The following FYCO1 variants were observed in gnomAD, a reference collection of about 807,000 sequenced individuals.
FYCO1 encodes FYVE and coiled-coil domain autophagy adaptor 1, also known as FYVE and coiled-coil domain-containing protein 1.
A neutral mutation model predicts 165.1 loss-of-function variants in FYCO1; 122 were observed. The ratio of observed to expected loss-of-function variants is 0.74; its 90% confidence interval spans 0.64 to 0.86. FYCO1 has a LOEUF of 0.86. Ranked by LOEUF, FYCO1 falls within the 40% of genes least tolerant of loss-of-function variation. The pLI is 0.00. For missense variants in FYCO1, 1,702 were observed against 1,810.3 expected (o/e 0.94, Z 1.09); for synonymous variants, 648 against 742.5 (o/e 0.87, Z 2.07).
chr3:45,966,467 T>C lies in FYCO1; in HGVS notation c.2867A>G (p.Gln956Arg). 6.2e-7 allele frequency: 1 copy of C among 1,610,700 alleles called. No homozygotes were observed. The highest frequency in any genetic ancestry group is 8.5e-7 in the Non-Finnish European group (1 of 1,177,234). Residue 956 changes from glutamine (Q) to arginine (R), a missense_variant, in exon 8 of 18, where the codon CAA (glutamine) becomes CGA (arginine). Gln to Arg is a conservative substitution (Grantham distance 43). Transcript: ENST00000296137. ...GLERQVAGLQ[Q>R]EKESLQEKLK... is the part of the protein sequence containing the mutation. ...CTTCTCCTGCAAGCTCTCCTTCTCTTGCTGCAGCCCAGCTACTTGGCGCTC... is the reference window on the plus strand; with the variant it reads ...CTTCTCCTGCAAGCTCTCCTTCTCTCGCTGCAGCCCAGCTACTTGGCGCTC...
chr3:45,975,365 T>G lies in FYCO1; in HGVS notation c.289-20A>C. 6.3e-7 allele frequency: 1 copy of G among 1,578,918 alleles called. No homozygotes were observed. The highest frequency in any genetic ancestry group is 8.7e-7 in the Non-Finnish European group (1 of 1,148,032). ...TCGGAGCTGGAAAAAGCAGATTACA[T>G]AGAGCCAAAGAGCTGTCAGCCTAAC... On this transcript the variant is annotated intron_variant, in intron 4 of 17. Transcript: ENST00000296137.
At chr3:45,988,779 G>A (rs1707433050) in intron 1 of FYCO1, among the ~76,000 whole-genome samples, 1 of 152,184 alleles carries the variant, frequency 6.6e-6, no homozygotes, top group Non-Finnish European at 1.5e-5. Context: ...GGGACTCAAT[G>A]CATTTTTTAA....
At chr3:45,994,721 T>C (rs1707714977) in intron 1 of FYCO1, among the ~76,000 whole-genome samples, 1 of 146,428 alleles carries the variant, frequency 6.8e-6, no homozygotes, top group African/African-American at 2.5e-5. Flanking sequence ...GCTTGCAGCC[T>C]GAGACCACAA....
chr3:45,979,604 C>G, intron 4 of FYCO1, 101 bp downstream of exon 4: 1 of 1,435,252 alleles, frequency 7.0e-7, no homozygotes, highest in Non-Finnish European at 9.8e-7. Context: ...CCCATAAACT[C>G]CCACTTCCTT....
At chr3:45,984,420 C>A (rs1707216265) in intron 2 of FYCO1, among the ~76,000 whole-genome samples, 1 of 152,186 alleles carries the variant, frequency 6.6e-6, no homozygotes, top group South Asian at 2.1e-4. Context: ...CATCCGCCAG[C>A]CAGGACCCAG....
At chr3:45,933,583 T>C (rs1703738796) in intron 15 of FYCO1, among the ~76,000 whole-genome samples, 1 of 152,132 alleles carries the variant, frequency 6.6e-6, no homozygotes, top group South Asian at 2.1e-4. Flanking sequence ...TTCTTTCCCA[T>C]TAAATGCCAC....
chr3:45,973,202 A>G lies in FYCO1; in HGVS notation c.425T>C (p.Leu142Pro), dbSNP rs763972976. 4 of 1,614,228 alleles carry G rather than the reference A, an allele frequency of 2.5e-6. No individual in the cohort carries two copies. In the Admixed American group the frequency reaches 6.7e-5, roughly 27 times the overall value. ...AATGTCCGAGCTCAGCTTTGGCTGCAGAAAGGGGCTTCTTGCATAGTACCA... is the reference window on the plus strand; with the variant it reads ...AATGTCCGAGCTCAGCTTTGGCTGCGGAAAGGGGCTTCTTGCATAGTACCA... The part of the protein sequence containing the change: ...SDWYYARSPF[L>P]QPKLSSDIVG... The change falls in exon 6 of 18, where the codon CTG (leucine) becomes CCG (proline). Residue 142 changes from leucine to proline, a missense_variant. Coordinates refer to ENST00000296137, the MANE Select transcript of FYCO1 (RefSeq NM_024513.4).
In FYCO1 at chr3:45,962,364, T is replaced by C. The variant is rs145889343; in HGVS notation, c.3298A>G (p.Thr1100Ala). ...TTGTTGTAATACTCTTGGATTTTTG[T>C]TGTGGCTTTTTCGAGTTCCTTCTGG... ...RTQKELEKAT[T>A]KIQEYYNKLC... Residue 1100 changes from threonine (T) to alanine (A), a missense_variant, in exon 11 of 18, where the codon ACA becomes GCA. By Grantham distance (58) the Thr-to-Ala change is moderately conservative. Coordinates refer to ENST00000296137, the MANE Select transcript of FYCO1 (RefSeq NM_024513.4). The surrounding 1 kb of genome is among the most constrained non-coding windows in gnomAD (Gnocchi z 4.4). The C allele has an allele frequency of 3.7e-6, 6 of 1,614,086 alleles. No individual in the cohort carries two copies. Among genetic ancestry groups the C allele is most frequent in the Non-Finnish European group, 5.1e-6 (6 of 1,180,036 alleles).
intron 12 of FYCO1, 177 bp from the exon 13 acceptor site, chr3:45,958,796 G>T: frequency 1.4e-6 from 1 of 703,802 alleles, no homozygotes. Flanking sequence ...CTTCTTGTCA[G>T]CTTGGTGAAA....
chr3:45,939,030 T>C (rs1704055181), intron 14 of FYCO1, among the ~76,000 whole-genome samples: 1 of 152,206 alleles, frequency 6.6e-6, no homozygotes, highest in African/African-American at 2.4e-5. Flanking sequence ...TACCAGATAC[T>C]CACTGCCCAC....
chr3:45,928,327 C>A (rs1270845853), intron 16 of FYCO1, among the ~76,000 whole-genome samples: 2 of 152,214 alleles, frequency 1.3e-5, no homozygotes, highest in Non-Finnish European at 2.9e-5. Flanking sequence ...CCCCAACAGG[C>A]CATCGACCTC....
Position 45,959,505 on chromosome 3 carries a change from C to T in FYCO1, c.3475G>A (p.Glu1159Lys). Residue 1159 changes from glutamate to lysine, a missense_variant, in exon 12 of 18, where the codon GAA (glutamate) becomes AAA (lysine). By Grantham distance (56) the Glu-to-Lys change is moderately conservative. Transcript: ENST00000296137. ...DALWQKSDAL[E>K]FQQKLSAEER... Reference sequence around the variant, plus strand: ...TCAGCACTGAGCTTCTGCTGGAATTCCAGGGCATCTGACTTCTGCCAGAGA... The same window carrying T: ...TCAGCACTGAGCTTCTGCTGGAATTTCAGGGCATCTGACTTCTGCCAGAGA... 4 of 1,614,154 alleles carry T rather than the reference C, an allele frequency of 2.5e-6. No individual in the cohort carries two copies. The East Asian group carries it at 6.7e-5, about 27-fold the overall frequency.
chr3:45,968,469 C>T lies in FYCO1; in HGVS notation c.865G>A (p.Val289Ile), dbSNP rs765346580. 4.1e-5 allele frequency: 66 copies of T among 1,613,936 alleles called. No homozygotes were observed. In the East Asian group the frequency reaches 5.6e-4, roughly 14 times the overall value. ...ERGRTAAEDN[V>I]RLTCLVAELQ... ...TCAGCTACCAAGCAAGTGAGGCGAA[C>T]GTTGTCCTCCGCTGCAGTGCGCCCC... The change falls in exon 8 of 18, where the codon GTT (valine) becomes ATT (isoleucine). Residue 289 changes from valine to isoleucine, a missense_variant. By Grantham distance (29) the Val-to-Ile change is conservative. Coordinates refer to ENST00000296137, the MANE Select transcript of FYCO1 (RefSeq NM_024513.4).
At position 45,918,995 on chromosome 3, in the gene FYCO1, G is replaced by T. The variant is rs968793715; in HGVS notation, c.*2770C>A. On this transcript the variant is annotated 3_prime_UTR_variant, in exon 18 of 18. Transcript: ENST00000296137. ...TGGTGAGTGGCTTCAGTGGCATGAT[G>T]AAGAAGGCATCTGGTATCGATATGA... 3 of 151,270 alleles carry T rather than the reference G, an allele frequency of 2.0e-5. No homozygotes were observed. Among genetic ancestry groups the T allele is most frequent in the Non-Finnish European group, 4.4e-5 (3 of 67,986 alleles). The allele number at this position is 151,270 out of a possible 1,614,324, so 9.4% of individuals were successfully genotyped here.
intron 11 of FYCO1, among the ~76,000 whole-genome samples, chr3:45,961,437 G>C (rs1705691674): frequency 6.6e-6 from 1 of 152,062 alleles, no homozygotes; most frequent in South Asian, 2.1e-4. Flanking sequence ...AATTAGCTGG[G>C]AGTGGTGGTG....
intron 4 of FYCO1, among the ~76,000 whole-genome samples, chr3:45,977,016 G>A (rs1706794075): frequency 6.6e-6 from 1 of 152,148 alleles, no homozygotes; most frequent in Non-Finnish European, 1.5e-5. Flanking sequence ...AGATGCGCGG[G>A]GGAGAATCTT....
chr3:45,990,362 T>C (rs1282017948), intron 1 of FYCO1, among the ~76,000 whole-genome samples: 1 of 152,050 alleles, frequency 6.6e-6, no homozygotes, highest in South Asian at 2.1e-4. Context: ...GCAGGAGAAA[T>C]AGATAACATA....
At chr3:45,977,408 A>AT (rs1706828635) in intron 4 of FYCO1, among the ~76,000 whole-genome samples, 1 of 79,462 alleles carries the variant, frequency 1.3e-5, no homozygotes, top group African/African-American at 4.7e-5. Context: ...TATATATATA[A>AT]AGGGAACTAT....
chr3:45,942,901 G>T lies in FYCO1; in HGVS notation c.3945-6358C>A, dbSNP rs548100124. 1.9e-3 allele frequency among the ~76,000 whole-genome samples: 288 copies of T among 152,292 alleles called. 1 individual carries two copies. Among genetic ancestry groups the T allele is most frequent in the African/African-American group, 6.7e-3 (280 of 41,554 alleles). ...GGCCCTCTGGCAGACCCATCATCAT[G>T]CTGTTGATTGGTCTGGTAATGACAG... On this transcript the variant is annotated intron_variant, in intron 14 of 17. Coordinates refer to ENST00000296137, the MANE Select transcript of FYCO1 (RefSeq NM_024513.4).
Sources: allele counts gnomAD v4.1 joint callset (sites outside exome capture counted in the v4.1 genomes callset), GRCh38; gene constraint gnomAD v4.1.1; non-coding constraint Gnocchi (gnomAD v3.1); transcripts MANE v1.5; gene names NCBI Gene and HGNC (gene_info 2026-07-23, HGNC 2026-07-21).